FAM3B: variants seen among roughly 807,000 people sequenced by gnomAD.
The protein encoded by FAM3B is FAM3 metabolism regulating signaling molecule B, also known as protein FAM3B.
FAM3B carries 29 observed loss-of-function variants against 28.4 expected under a neutral mutation model. The observed-to-expected ratio is 1.02, with a 90% CI of 0.76 to 1.39. FAM3B has a LOEUF of 1.39. Ranked by LOEUF, FAM3B falls within the 40% of genes most tolerant of loss-of-function variation. The pLI is 0.00. For missense variants in FAM3B, 266 were observed against 293.9 expected (o/e 0.91, Z 0.69); for synonymous variants, 91 against 103.0 (o/e 0.88, Z 0.71).
chr21:41,342,120 T>C (rs959928376), intron 3 of FAM3B, among the ~76,000 whole-genome samples: 1 of 152,238 alleles, frequency 6.6e-6, no homozygotes, highest in African/African-American at 2.4e-5. Context: ...AATACTTTTG[T>C]AGGCTGTGTT....
chr21:41,330,153 A>G (rs944634810), intron 2 of FAM3B, among the ~76,000 whole-genome samples: 3 of 144,288 alleles, frequency 2.1e-5, no homozygotes, highest in African/African-American at 5.1e-5. Flanking sequence ...AAAAAAAAAC[A>G]TAATACAGGT....
At chr21:41,356,521 G>A (rs1315995837) in intron 7 of FAM3B, among the ~76,000 whole-genome samples, 1 of 152,152 alleles carries the variant, frequency 6.6e-6, no homozygotes, top group Non-Finnish European at 1.5e-5. Context: ...TCTACTGAAT[G>A]CATTACCTCC....
intron 1 of FAM3B, among the ~76,000 whole-genome samples, chr21:41,318,954 A>G (rs906891978): frequency 1.3e-5 from 2 of 152,188 alleles, no homozygotes; most frequent in African/African-American, 2.4e-5. Flanking sequence ...ATGCAGTGGT[A>G]TGATCATAGC....
chr21:41,356,754 A>G (rs1322536657), intron 7 of FAM3B, among the ~76,000 whole-genome samples: 1 of 152,246 alleles, frequency 6.6e-6, no homozygotes, highest in East Asian at 1.9e-4. Context: ...AGATCATTAG[A>G]GCAACTATAG....
At chr21:41,311,876 A>G (rs140571264), upstream of FAM3B, among the ~76,000 whole-genome samples, 145 of 152,330 alleles carry the variant, frequency 9.5e-4, no homozygotes, top group African/African-American at 3.3e-3. Flanking sequence ...GGTTTATTGG[A>G]CTTACAGTCC....
intron 3 of FAM3B, among the ~76,000 whole-genome samples, chr21:41,342,935 T>C (rs1157692485): frequency 1.3e-5 from 2 of 152,238 alleles, no homozygotes; most frequent in Non-Finnish European, 2.9e-5. Context: ...GATGATATCT[T>C]CTTCTGAGGA....
At chr21:41,329,726 C>T (rs1374423469) in intron 2 of FAM3B, among the ~76,000 whole-genome samples, 1 of 152,068 alleles carries the variant, frequency 6.6e-6, no homozygotes, top group Non-Finnish European at 1.5e-5. Context: ...CTCACCACCT[C>T]ACCTGGCTAA....
At chr21:41,304,830 T>A (rs560152917) in intron 1 of FAM3B, among the ~76,000 whole-genome samples, 4 of 152,240 alleles carry the variant, frequency 2.6e-5, no homozygotes, top group East Asian at 1.9e-4. Flanking sequence ...TGGGGGCAGC[T>A]GAAAGGCATC....
chr21:41,318,496 G>GT (rs2088770686), intron 1 of FAM3B, among the ~76,000 whole-genome samples: 1 of 152,190 alleles, frequency 6.6e-6, no homozygotes, highest in Non-Finnish European at 1.5e-5. Flanking sequence ...TTTCAGAGTG[G>GT]CCCTTCCTAG....
intron 3 of FAM3B, among the ~76,000 whole-genome samples, chr21:41,343,960 A>T (rs1466275313): frequency 6.6e-6 from 1 of 152,140 alleles, no homozygotes; most frequent in Non-Finnish European, 1.5e-5. Context: ...TCTACAAAAA[A>T]ATTTTTAAAA....
At chr21:41,351,819 C>A (rs2089122921) in intron 7 of FAM3B, among the ~76,000 whole-genome samples, 1 of 152,170 alleles carries the variant, frequency 6.6e-6, no homozygotes, top group Non-Finnish European at 1.5e-5. Context: ...AAAGATTATT[C>A]CATCCAACCT....
At chr21:41,311,609 G>C (rs893196425) in intron 1 of FAM3B, among the ~76,000 whole-genome samples, 1 of 152,010 alleles carries the variant, frequency 6.6e-6, no homozygotes, top group South Asian at 2.1e-4. Context: ...TGAGAAGAAT[G>C]ACATTGTCTT....
intron 2 of FAM3B, among the ~76,000 whole-genome samples, chr21:41,332,373 C>T (rs555643967): frequency 2.0e-5 from 3 of 152,312 alleles, no homozygotes; most frequent in African/African-American, 4.8e-5. Context: ...TGGACTAATA[C>T]ACATGGTGAA....
At chr21:41,304,604 G>A (rs373156309) in intron 1 of FAM3B, among the ~76,000 whole-genome samples, 9 of 152,346 alleles carry the variant, frequency 5.9e-5, no homozygotes, top group Middle Eastern at 3.4e-3. Context: ...CCAGGCTCTG[G>A]CCCAAGGCCT....
chr21:41,319,386 A>G (rs1322801009), intron 1 of FAM3B: 1 of 152,148 alleles, frequency 6.6e-6, no homozygotes, highest in Non-Finnish European at 1.5e-5. Context: ...TCTAACACTC[A>G]TCCTGTCTGC....
rs1360343092 is a variant in FAM3B at position 41,347,095 on chromosome 21, C to A, written c.480C>A (p.Ser160Arg). The A allele has an allele frequency of 6.2e-7, 1 of 1,614,066 alleles. No individual in the cohort carries two copies. The highest frequency in any genetic ancestry group is 1.1e-5 in the South Asian group (1 of 91,086). Residue 160 changes from serine (S) to arginine (R), a missense_variant, in exon 6 of 8, where the codon AGC becomes AGA. Transcript: ENST00000357985. ...TCATGGTGACCTATGACGACGGAAG[C>A]ACAAGGTGAGTGGGTGTAGGTCTGT... is the stretch of plus-strand genomic sequence containing the variant. ...LLFMVTYDDG[S>R]TRLNNDAKNA...
At chr21:41,319,518 C>T (rs1055513292) in intron 1 of FAM3B, 3 of 152,420 alleles carry the variant, frequency 2.0e-5, no homozygotes, top group African/African-American at 4.8e-5. Context: ...TGCTTCCTCC[C>T]CCACCTCTGA....
intron 1 of FAM3B, among the ~76,000 whole-genome samples, chr21:41,317,658 G>T (rs893168913): frequency 6.6e-6 from 1 of 152,048 alleles, no homozygotes; most frequent in Non-Finnish European, 1.5e-5. Context: ...GTGTAAAATG[G>T]CAGGTTCAGA....
At chr21:41,323,439 G>GT (rs1008605283) in intron 2 of FAM3B, among the ~76,000 whole-genome samples, 1 of 152,202 alleles carries the variant, frequency 6.6e-6, no homozygotes, top group African/African-American at 2.4e-5. Context: ...AAAATCTTCT[G>GT]TAAAGTCTTG....
Sources: allele counts gnomAD v4.1 joint callset (sites outside exome capture counted in the v4.1 genomes callset), GRCh38; gene constraint gnomAD v4.1.1; transcripts MANE v1.5; gene names NCBI Gene and HGNC (gene_info 2026-07-23, HGNC 2026-07-21).